Variants in ROR1 observed in about 807,000 individuals in gnomAD.
ROR1 encodes ROR family WNT receptor 1.
ROR1 carries 19 observed loss-of-function variants against 78.8 expected under a neutral mutation model. The observed-to-expected ratio is 0.24, with a 90% CI of 0.17 to 0.35. The LOEUF (loss-of-function observed/expected upper bound fraction) is 0.35, where lower values mean the gene tolerates loss of function less well. ROR1 is among the 10% of genes least tolerant of loss of function. ROR1 has a pLI of 1.00. For missense variants in ROR1, 917 were observed against 1,177.8 expected (o/e 0.78, Z 3.24); for synonymous variants, 386 against 433.6 (o/e 0.89, Z 1.36).
At chr1:64,001,069 A>T (rs1299379733) in intron 1 of ROR1, among the ~76,000 whole-genome samples, 2 of 152,240 alleles carry the variant, frequency 1.3e-5, no homozygotes, top group African/African-American at 4.8e-5. Flanking sequence ...TATTTGTAAC[A>T]GCCAGAAAAT....
intron 1 of ROR1, among the ~76,000 whole-genome samples, chr1:63,803,024 C>T (rs1644805961): frequency 6.6e-6 from 1 of 152,182 alleles, no homozygotes; most frequent in African/African-American, 2.4e-5. Flanking sequence ...TGTACTAAGT[C>T]TTTCAAATCA....
Position 63,873,010 on chromosome 1 carries a change from T to C in ROR1, c.91+98502T>C, listed in dbSNP as rs967091032. Among the ~76,000 whole-genome samples, 18 of 152,164 alleles carry C rather than the reference T, an allele frequency of 1.2e-4. 1 individual carries two copies. Among genetic ancestry groups the C allele is most frequent in the Admixed American group, 9.2e-4 (14 of 15,260 alleles). On this transcript the variant is annotated intron_variant, in intron 1 of 8. Transcript: ENST00000371079. Reference sequence around the variant, plus strand: ...TTCCCAGGATTTTCAGATATATTTATGATTTTATTTTTTTGGAGACAGTGT... The same window carrying C: ...TTCCCAGGATTTTCAGATATATTTACGATTTTATTTTTTTGGAGACAGTGT...
At chr1:64,082,334 G>T (rs767157383) in intron 4 of ROR1, among the ~76,000 whole-genome samples, 4 of 152,148 alleles carry the variant, frequency 2.6e-5, no homozygotes, top group Non-Finnish European at 5.9e-5. Flanking sequence ...TAAATTAAGG[G>T]TTGTAAATTA....
intron 1 of ROR1, among the ~76,000 whole-genome samples, chr1:64,005,352 T>C (rs916474046): frequency 1.3e-5 from 2 of 152,236 alleles, no homozygotes; most frequent in African/African-American, 4.8e-5. Flanking sequence ...TCAGTAACTT[T>C]CTCATGATCA....
intron 1 of ROR1, among the ~76,000 whole-genome samples, chr1:63,835,481 A>G (rs759609690): frequency 3.3e-5 from 5 of 152,224 alleles, no homozygotes; most frequent in Non-Finnish European, 2.9e-5. Context: ...GTCCCTACCT[A>G]TAAAGGCACT....
intron 4 of ROR1, among the ~76,000 whole-genome samples, chr1:64,122,644 G>T (rs1648581929): frequency 6.6e-6 from 1 of 152,178 alleles, no homozygotes; most frequent in African/African-American, 2.4e-5. Flanking sequence ...GGATACTGGA[G>T]ATGAGGAACT....
At chr1:64,067,446 A>G (rs1197910384) in intron 4 of ROR1, among the ~76,000 whole-genome samples, 10 of 146,682 alleles carry the variant, frequency 6.8e-5, no homozygotes, top group African/African-American at 2.5e-4. Context: ...CTCCGTCTCA[A>G]AAAAAAAAAA....
At position 63,938,125 on chromosome 1, in the gene ROR1, C is replaced by G. The variant is rs1645807760; in HGVS notation, c.92-71180C>G. Among the ~76,000 whole-genome samples the G allele has an allele frequency of 2.0e-5, 3 of 152,076 alleles. No individual in the cohort carries two copies. In the South Asian group the frequency reaches 6.2e-4, roughly 32 times the overall value. ...TGGGTTCTGGATCCATGGATTCAAC[C>G]AAAGTCAAATGGAAAATATCAGAAA... On this transcript the variant is annotated intron_variant, in intron 1 of 8. Transcript: ENST00000371079.
At chr1:63,913,077 A>G (rs17125801) in intron 1 of ROR1, among the ~76,000 whole-genome samples, 3,933 of 151,926 alleles carry the variant, frequency 0.026, 174 homozygotes, top group African/African-American at 0.09. Context: ...TCAGGAATGC[A>G]GTGTGGTTTT....
chr1:64,140,497 C>A, intron 6 of ROR1, 71 bp downstream of exon 6: 1 of 1,401,152 alleles, frequency 7.1e-7, no homozygotes, highest in Admixed American at 1.9e-5. Context: ...GAAAACTGGA[C>A]CTTGACCCAT....
At chr1:64,156,913 G>A (rs527988851) in intron 7 of ROR1, among the ~76,000 whole-genome samples, 2 of 152,182 alleles carry the variant, frequency 1.3e-5, no homozygotes, top group African/African-American at 4.8e-5. Context: ...CAAGACCGAC[G>A]ATGGAATCCC....
chr1:63,925,342 C>T (rs1479675786), intron 1 of ROR1, among the ~76,000 whole-genome samples: 3 of 150,668 alleles, frequency 2.0e-5, no homozygotes, highest in Non-Finnish European at 3.0e-5. Flanking sequence ...AGGACATGAA[C>T]TCATCATTTT....
At chr1:63,839,974 A>G (rs772959561) in intron 1 of ROR1, among the ~76,000 whole-genome samples, 1 of 152,148 alleles carries the variant, frequency 6.6e-6, no homozygotes, top group Non-Finnish European at 1.5e-5. Context: ...ATGGAAATGG[A>G]AAAACAACCC....
intron 4 of ROR1, among the ~76,000 whole-genome samples, chr1:64,067,710 C>CTTTTTTTTTTTTTCTTTTTTTTTTT (rs1646968842): frequency 9.5e-6 from 1 of 105,698 alleles, no homozygotes; most frequent in African/African-American, 4.3e-5. Context: ...TAAATAAATT[C>CTTTTTTTTTTTTTCTTTTTTTTTTT]TTTTTTTTTT....
chr1:64,010,366 CTTT>C (rs74685806), intron 2 of ROR1, among the ~76,000 whole-genome samples: 1 of 141,946 alleles, frequency 7.0e-6, no homozygotes, highest in Admixed American at 7.1e-5. Context: ...TTCTATCTTA[CTTT>C]TTTTTTTTTT....
intron 1 of ROR1, among the ~76,000 whole-genome samples, chr1:63,821,341 C>T (rs1644922126): frequency 6.6e-6 from 1 of 152,160 alleles, no homozygotes; most frequent in South Asian, 2.1e-4. Flanking sequence ...AATGACTTCT[C>T]CCTGACAGTC....
intron 1 of ROR1, among the ~76,000 whole-genome samples, chr1:63,899,911 G>A (rs1234922768): frequency 6.6e-6 from 1 of 151,934 alleles, no homozygotes; most frequent in Non-Finnish European, 1.5e-5. Context: ...AGGGAAAAAT[G>A]ACTTAAATAT....
chr1:64,158,549 A>AT (rs1208313000), intron 7 of ROR1, among the ~76,000 whole-genome samples: 1 of 152,192 alleles, frequency 6.6e-6, no homozygotes, highest in Non-Finnish European at 1.5e-5. Context: ...CAAGGTCATG[A>AT]TTTCTAGAAC....
chr1:64,049,052 T>C (rs557316402), intron 2 of ROR1, among the ~76,000 whole-genome samples: 9 of 152,348 alleles, frequency 5.9e-5, no homozygotes, highest in Admixed American at 3.3e-4. Context: ...TTAATCTATA[T>C]ATATGTGATC....
Sources: allele counts gnomAD v4.1 joint callset (sites outside exome capture counted in the v4.1 genomes callset), GRCh38; gene constraint gnomAD v4.1.1; transcripts MANE v1.5; gene names NCBI Gene and HGNC (gene_info 2026-07-23, HGNC 2026-07-21).